The following ZNF649 variants were observed in gnomAD, a reference collection of about 807,000 sequenced individuals.
ZNF649 encodes zinc finger protein 649.
Under a neutral mutation model 14.1 loss-of-function variants are expected in ZNF649, and 7 were observed. The observed-to-expected ratio is 0.49, with a 90% CI of 0.28 to 0.93. The LOEUF (loss-of-function observed/expected upper bound fraction) is 0.93, where lower values mean the gene tolerates loss of function less well. Ranked by LOEUF, ZNF649 falls within the 40% of genes least tolerant of loss-of-function variation. ZNF649 has a pLI of 0.10. For synonymous variants in ZNF649, 227 were observed against 212.3 expected (o/e 1.07, Z -0.60); for missense variants, 544 against 608.1 (o/e 0.89, Z 1.11).
At position 51,896,488 on chromosome 19, in the gene ZNF649, G is replaced by A. The variant is rs781477369; in HGVS notation, c.222C>T (p.His74=). ...CTCACTTACCTGGGTGGGCTGGACTGTGGATTTCATCTTCTAGTGTCCATA... is the reference window on the plus strand; with the variant it reads ...CTCACTTACCTGGGTGGGCTGGACTATGGATTTCATCTTCTAGTGTCCATA... ...EPLWTLEDEI[H]SPAHPEIEKA... is the part of the protein sequence containing the mutation. Residue 74 remains histidine, a synonymous_variant, in exon 4 of 5, where the codon CAC becomes CAT. Transcript: ENST00000354957. 6 of 1,613,922 alleles carry A rather than the reference G, an allele frequency of 3.7e-6. No homozygotes were observed. The African/African-American group carries it at 6.7e-5, about 18-fold the overall frequency.
At chr19:51,904,479 G>C (rs1229634172) in intron 1 of ZNF649, among the ~76,000 whole-genome samples, 1 of 151,994 alleles carries the variant, frequency 6.6e-6, no homozygotes, top group East Asian at 1.9e-4. Flanking sequence ...ACAAGCCTCT[G>C]AGCCCCACAT....
chr19:51,901,646 T>TA (rs1568457403), intron 1 of ZNF649, among the ~76,000 whole-genome samples: 5 of 147,854 alleles, frequency 3.4e-5, no homozygotes, highest in Admixed American at 2.6e-4. Flanking sequence ...CCCTGTCTCT[T>TA]AAAAATAAAA....
intron 4 of ZNF649, among the ~76,000 whole-genome samples, chr19:51,895,349 C>A (rs2085054817): frequency 6.6e-6 from 1 of 151,804 alleles, no homozygotes; most frequent in Admixed American, 6.6e-5. Flanking sequence ...TTTTTCGTTT[C>A]TTTTTGTTTT....
chr19:51,895,582 T>C (rs965423060), intron 4 of ZNF649, among the ~76,000 whole-genome samples: 8 of 151,962 alleles, frequency 5.3e-5, no homozygotes, highest in African/African-American at 1.9e-4. Context: ...GACTTTGTGA[T>C]CCGCCCGCCT....
At chr19:51,904,469 A>C (rs1482281034) in intron 1 of ZNF649, among the ~76,000 whole-genome samples, 1 of 152,046 alleles carries the variant, frequency 6.6e-6, no homozygotes, top group Admixed American at 6.5e-5. Context: ...ACCAGATTTT[A>C]CAAGCCTCTG....
intron 2 of ZNF649, 71 bp downstream of exon 2, chr19:51,900,022 G>C (rs1277929599): frequency 1.5e-6 from 2 of 1,357,708 alleles, no homozygotes; most frequent in Admixed American, 4.8e-5. Flanking sequence ...TAATGTAAAT[G>C]AACTGATTTC....
chr19:51,904,652 C>T (rs1228431801), intron 1 of ZNF649, among the ~76,000 whole-genome samples: 1 of 151,966 alleles, frequency 6.6e-6, no homozygotes, highest in African/African-American at 2.4e-5. Flanking sequence ...GCGTGCTGGG[C>T]AGCGTCCCCC....
At position 51,891,022 on chromosome 19, in the gene ZNF649, T is replaced by G. The variant is rs759589128; in HGVS notation, c.1114A>C (p.Thr372Pro). 3 of 1,614,050 alleles carry G rather than the reference T, an allele frequency of 1.9e-6. No individual in the cohort carries two copies. In the Admixed American group the frequency reaches 5.0e-5, roughly 27 times the overall value. ...CCACATTCAGGACATACAAAGGGAG[T>G]CTTTCCTGTATGATATCTCTGATGT... is the stretch of plus-strand genomic sequence containing the variant. ...VAHQRYHTGK[T>P]PFVCPECGQP... Residue 372 changes from threonine (T) to proline (P), a missense_variant, in exon 5 of 5, where the codon ACT becomes CCT. Physicochemically the swap from Thr to Pro is conservative, Grantham distance 38. Coordinates refer to ENST00000354957, the MANE Select transcript of ZNF649 (RefSeq NM_023074.4). This position sits in a 1 kb window ranked among gnomAD's most constrained non-coding sequence, Gnocchi z 4.2.
chr19:51,891,601 C>A lies in ZNF649; in HGVS notation c.535G>T (p.Glu179Ter). The change falls in exon 5 of 5, where the codon GAA becomes TAA. Residue 179 changes from glutamate to a stop codon, truncating the protein, a stop_gained. Transcript: ENST00000354957. LOFTEE classifies it low-confidence loss of function (END_TRUNC). The surrounding 1 kb of genome is among the most constrained non-coding windows in gnomAD (Gnocchi z 4.2). ...AAAGCTTTCCCACAGTCAGTGCATT[C>A]ATGGGCTTTCTCTATGTTGTGTGTT... ...QQTHNIEKAH[E>*]CTDCGKAFLK... 1.9e-6 allele frequency: 3 copies of A among 1,614,258 alleles called. No individual in the cohort carries two copies. Among genetic ancestry groups the A allele is most frequent in the Non-Finnish European group, 2.5e-6 (3 of 1,180,052 alleles).
At position 51,891,017 on chromosome 19, in the gene ZNF649, G is replaced by A. The variant is rs1599884662; in HGVS notation, c.1119C>T (p.Pro373=). Residue 373 remains proline, a synonymous_variant, in exon 5 of 5, where the codon CCC becomes CCT. Transcript: ENST00000354957. The surrounding 1 kb of genome is among the most constrained non-coding windows in gnomAD (Gnocchi z 4.2). ...GTTGCCCACATTCAGGACATACAAA[G>A]GGAGTCTTTCCTGTATGATATCTCT... The part of the protein sequence containing the change: ...AHQRYHTGKT[P]FVCPECGQPC... The A allele has an allele frequency of 6.2e-7, 1 of 1,614,160 alleles. No individual in the cohort carries two copies. Among genetic ancestry groups the A allele is most frequent in the Non-Finnish European group, 8.5e-7 (1 of 1,180,030 alleles).
intron 1 of ZNF649, among the ~76,000 whole-genome samples, chr19:51,901,408 TG>T (rs2085093800): frequency 6.6e-6 from 1 of 152,174 alleles, no homozygotes; most frequent in African/African-American, 2.4e-5. Flanking sequence ...TCCAATGCAA[TG>T]GTATCAAGAG....
Position 51,891,391 on chromosome 19 carries a change from G to A in ZNF649, c.745C>T (p.Leu249Phe). ...TTGTGAGCTCTCTCGTGTTCAGTGA[G>A]CCTGTACCTCTTGTAGAAGGCTTTC... ...CGKAFYKRYR[L>F]TEHERAHKGE... The change falls in exon 5 of 5, where the codon CTC (leucine) becomes TTC (phenylalanine). Residue 249 changes from leucine (L) to phenylalanine (F), a missense_variant. Physicochemically the swap from Leu to Phe is conservative, Grantham distance 22 (BLOSUM62 0). Coordinates refer to ENST00000354957, the MANE Select transcript of ZNF649 (RefSeq NM_023074.4). The surrounding 1 kb of genome is among the most constrained non-coding windows in gnomAD (Gnocchi z 4.2). 1 of 1,614,100 alleles carries A rather than the reference G, an allele frequency of 6.2e-7. No homozygotes were observed. Among genetic ancestry groups the A allele is most frequent in the Admixed American group, 1.7e-5 (1 of 60,028 alleles).
intron 4 of ZNF649, among the ~76,000 whole-genome samples, chr19:51,892,219 C>A (rs2085028592): frequency 6.6e-6 from 1 of 151,520 alleles, no homozygotes; most frequent in African/African-American, 2.4e-5. Context: ...ACTAAAAATA[C>A]AAAAAAATTG....
intron 1 of ZNF649, among the ~76,000 whole-genome samples, chr19:51,903,238 G>A (rs567692070): frequency 7.2e-5 from 11 of 151,920 alleles, no homozygotes; most frequent in African/African-American, 1.2e-4. Context: ...GAGTTTTTAC[G>A]CTGGTTTCAT....
intron 3 of ZNF649, 77 bp downstream of exon 3, chr19:51,896,775 C>A: frequency 6.2e-7 from 1 of 1,613,838 alleles, no homozygotes; most frequent in Non-Finnish European, 8.5e-7. Flanking sequence ...AGCAGACATA[C>A]CAAAGCTTCC....
chr19:51,897,075 GCA>G lies in ZNF649; in HGVS notation c.16-99_16-98del, dbSNP rs1427831209. ...CATTTTCACCACATAAGCTGCACCT[GCA>G]CAGTTGTCCCTTGGTATACTCAATG... On this transcript the variant is annotated intron_variant, in intron 2 of 4. Coordinates refer to ENST00000354957, the MANE Select transcript of ZNF649 (RefSeq NM_023074.4). 6.5e-6 allele frequency: 10 copies of G among 1,531,278 alleles called. No homozygotes were observed. The Admixed American group carries it at 6.9e-5, about 11-fold the overall frequency. The allele number at this position is 1,531,278 out of a possible 1,614,324, so 94.9% of individuals were successfully genotyped here. A position where few individuals can be genotyped will look rare whatever the true frequency, so the allele number is the denominator to read the frequency against.
chr19:51,892,795 C>A (rs981034825), intron 4 of ZNF649, among the ~76,000 whole-genome samples: 2 of 152,186 alleles, frequency 1.3e-5, no homozygotes, highest in Non-Finnish European at 2.9e-5. Flanking sequence ...ACTGATGGAA[C>A]AGACTCTTTG....
Position 51,898,377 on chromosome 19 carries a change from G to A in ZNF649, c.16-1399C>T, listed in dbSNP as rs1016400144. On this transcript the variant is annotated intron_variant, in intron 2 of 4. Coordinates refer to ENST00000354957, the MANE Select transcript of ZNF649 (RefSeq NM_023074.4). ...TGCCACAACCTCCCTGCTCAGGTTC[G>A]ATAATTTGCTAGAATGACTCACAGA... Among the ~76,000 whole-genome samples, 55 of 152,084 alleles carry A rather than the reference G, an allele frequency of 3.6e-4. 1 individual carries two copies. Among genetic ancestry groups the A allele is most frequent in the Non-Finnish European group, 8.8e-5 (6 of 67,998 alleles).
At chr19:51,893,411 ATG>A (rs942045395) in intron 4 of ZNF649, among the ~76,000 whole-genome samples, 2 of 151,876 alleles carry the variant, frequency 1.3e-5, no homozygotes, top group Middle Eastern at 3.2e-3. Flanking sequence ...CTCTTCAGTG[ATG>A]TGTGTTTTTT....
Sources: allele counts gnomAD v4.1 joint callset (sites outside exome capture counted in the v4.1 genomes callset), GRCh38; gene constraint gnomAD v4.1.1; non-coding constraint Gnocchi (gnomAD v3.1); transcripts MANE v1.5; gene names NCBI Gene and HGNC (gene_info 2026-07-23, HGNC 2026-07-21).